Variants in MAD2L2 observed in about 807,000 individuals in gnomAD.
The protein encoded by MAD2L2 is mitotic arrest deficient 2 like 2.
In MAD2L2, 17 loss-of-function variants were observed where a neutral mutation model predicts 30.5. The ratio of observed to expected loss-of-function variants is 0.56; its 90% CI spans 0.38 to 0.84. The LOEUF is 0.84. Ranked by LOEUF, MAD2L2 falls within the 40% of genes least tolerant of loss-of-function variation. MAD2L2 has a pLI of 0.00. For missense variants in MAD2L2, 213 were observed against 277.4 expected, an observed-to-expected ratio of 0.77 and a Z score of 1.65; for synonymous variants, 101 against 113.9, an observed-to-expected ratio of 0.89 and a Z score of 0.72.
intron 1 of MAD2L2, among the ~76,000 whole-genome samples, chr1:11,689,122 C>G (rs189970083): frequency 2.0e-5 from 3 of 152,128 alleles, no homozygotes; most frequent in Admixed American, 6.6e-5. Context: ...ATGGCGAAAC[C>G]CTGTCTCTAC....
At chr1:11,677,011 T>C in intron 4 of MAD2L2, 63 bp from the exon 5 acceptor site, 1 of 1,222,100 alleles carries the variant, frequency 8.2e-7, no homozygotes, top group South Asian at 1.2e-5. Context: ...CCACCCTGCC[T>C]CCACCCCCTT....
upstream of MAD2L2, among the ~76,000 whole-genome samples, chr1:11,683,117 C>A (rs1640904117): frequency 6.6e-6 from 1 of 152,132 alleles, no homozygotes; most frequent in South Asian, 2.1e-4. Context: ...CAGACTGGGG[C>A]CTGGGGTGGG....
rs769764556 is a variant in MAD2L2, at chr1:11,676,029, G to C, written c.427+17C>G. On this transcript the variant is annotated intron_variant, in intron 6 of 8. Coordinates refer to ENST00000376692, the MANE Select transcript of MAD2L2 (RefSeq NM_006341.4). ...CATGGAAATGCCAAGGGAAGAGAGGGTGGGGAGTGGACACACCTGGGGGGT... is the reference window on the plus strand; with the variant it reads ...CATGGAAATGCCAAGGGAAGAGAGGCTGGGGAGTGGACACACCTGGGGGGT... The C allele has an allele frequency of 1.9e-6, 3 of 1,604,504 alleles. No individual in the cohort carries two copies. The highest frequency in any genetic ancestry group is 1.1e-5 in the South Asian group (1 of 90,948).
Position 11,687,965 on chromosome 1 carries a change from G to A in MAD2L2, c.-692+3448C>T, listed in dbSNP as rs1159337782. 1.3e-5 allele frequency among the ~76,000 whole-genome samples: 2 copies of A among 152,150 alleles called. No homozygotes were observed. Among genetic ancestry groups the A allele is most frequent in the African/African-American group, 4.8e-5 (2 of 41,442 alleles). Reference sequence around the variant, plus strand: ...AGTCATCATAAACTGGATGGGATAGGAGTCCAGGCCTCTCCTAACATCCAC... The same window carrying A: ...AGTCATCATAAACTGGATGGGATAGAAGTCCAGGCCTCTCCTAACATCCAC... On this transcript the variant is annotated intron_variant, in intron 1 of 10. Transcript: ENST00000235310. The surrounding 1 kb of genome is among the most constrained non-coding windows in gnomAD (Gnocchi z 4.1).
At chr1:11,679,473 C>G (rs1640827996) in intron 3 of MAD2L2, among the ~76,000 whole-genome samples, 1 of 152,166 alleles carries the variant, frequency 6.6e-6, no homozygotes, top group Non-Finnish European at 1.5e-5. Context: ...ATACCCTCCT[C>G]ACACCAAGGT....
chr1:11,679,984 G>A (rs1640840227), intron 3 of MAD2L2, among the ~76,000 whole-genome samples: 1 of 130,860 alleles, frequency 7.6e-6, no homozygotes, highest in South Asian at 2.6e-4. Context: ...AAGTGGAAGA[G>A]GTTTTTTTTT....
chr1:11,677,947 C>A (rs2100709294), intron 3 of MAD2L2, among the ~76,000 whole-genome samples: 1 of 151,016 alleles, frequency 6.6e-6, no homozygotes, highest in Middle Eastern at 3.5e-3. Flanking sequence ...GTCCCAGCTA[C>A]TTGGCAGGCT....
chr1:11,680,696 C>T (rs1289802532), intron 1 of MAD2L2, 83 bp from the exon 2 acceptor site: 1 of 1,490,018 alleles, frequency 6.7e-7, no homozygotes, highest in Non-Finnish European at 8.9e-7. Flanking sequence ...TCTTCCCTCC[C>T]CACAGTCTGT....
rs759111242 is a variant in MAD2L2, at chr1:11,676,175, C to T, written c.333-35G>A. 18 of 1,404,372 alleles carry T rather than the reference C, an allele frequency of 1.3e-5. No homozygotes were observed. In the East Asian group the frequency reaches 2.6e-4, roughly 20 times the overall value. 87.0% of individuals were successfully genotyped at this position (1,404,372 alleles called of 1,614,324 possible). ...AGAGGAGGTCTTCCCATCACACTGG[C>T]GCCCTCCCCTCCACCACAGGCATCA... On this transcript the variant is annotated intron_variant, in intron 5 of 8. Transcript: ENST00000376692.
At chr1:11,675,211 T>A in intron 7 of MAD2L2, 37 bp from the exon 8 acceptor site, 4 of 1,448,922 alleles carry the variant, frequency 2.8e-6, no homozygotes, top group Non-Finnish European at 3.8e-6. Context: ...GTGACGGGGC[T>A]GGGCCCTGGC....
chr1:11,679,548 A>G (rs1214487359), intron 3 of MAD2L2, among the ~76,000 whole-genome samples: 1 of 149,942 alleles, frequency 6.7e-6, no homozygotes, highest in Non-Finnish European at 1.5e-5. Flanking sequence ...TTTTTTGGAG[A>G]CATAGTCTTG....
chr1:11,687,601 C>A lies in MAD2L2; in HGVS notation c.-692+3812G>T, dbSNP rs564932034. Among the ~76,000 whole-genome samples the A allele has an allele frequency of 1.3e-5, 2 of 152,280 alleles. No individual in the cohort carries two copies. Among genetic ancestry groups the A allele is most frequent in the Admixed American group, 1.3e-4 (2 of 15,290 alleles). On this transcript the variant is annotated intron_variant, in intron 1 of 10. Transcript: ENST00000235310. The surrounding 1 kb of genome is among the most constrained non-coding windows in gnomAD (Gnocchi z 4.1). ...TATGTTGCCAGGCTGGTCTCCAACT[C>A]CTGGCTTCAAGAGGTCCTCCTGCCT... is the stretch of plus-strand genomic sequence containing the variant.
At position 11,687,515 on chromosome 1, in the gene MAD2L2, C is replaced by T. The variant is rs985912498; in HGVS notation, c.-692+3898G>A. The stretch of plus-strand genomic sequence containing the variant: ...TTGGCCTCCCAAAGTGTTGGGATGA[C>T]AGGCATGAGCCACCACGCCCAGACT... On this transcript the variant is annotated intron_variant, in intron 1 of 10. Transcript: ENST00000235310. The surrounding 1 kb of genome is among the most constrained non-coding windows in gnomAD (Gnocchi z 4.1). 2.0e-5 allele frequency among the ~76,000 whole-genome samples: 3 copies of T among 152,210 alleles called. No homozygotes were observed. Among genetic ancestry groups the T allele is most frequent in the Non-Finnish European group, 4.4e-5 (3 of 68,034 alleles).
intron 7 of MAD2L2, 148 bp from the exon 8 acceptor site, chr1:11,675,322 C>G (rs898747746): frequency 1.6e-6 from 1 of 608,952 alleles, no homozygotes; most frequent in Non-Finnish European, 2.9e-6. Flanking sequence ...CCAGGACCGC[C>G]CCCATCCCCC....
chr1:11,679,225 T>C (rs1307562842), intron 3 of MAD2L2, among the ~76,000 whole-genome samples: 1 of 152,078 alleles, frequency 6.6e-6, no homozygotes, highest in Non-Finnish European at 1.5e-5. Flanking sequence ...TCAAGTAATG[T>C]CTTGAATACC....
At chr1:11,680,873 G>A (rs965323904) in intron 1 of MAD2L2, 166 bp downstream of exon 1, 5 of 962,686 alleles carry the variant, frequency 5.2e-6, no homozygotes, top group Admixed American at 4.4e-5. Flanking sequence ...CTGTGCCCCC[G>A]AAAAGGGCAG....
Position 11,676,089 on chromosome 1 carries a change from C to T in MAD2L2, c.384G>A (p.Leu128=), listed in dbSNP as rs1159868991. The T allele has an allele frequency of 2.5e-6, 4 of 1,612,354 alleles. No homozygotes were observed. The highest frequency in any genetic ancestry group is 1.1e-5 in the South Asian group (1 of 91,046). Residue 128 remains leucine (L), a synonymous_variant, in exon 6 of 9, where the codon CTG becomes CTA. Transcript: ENST00000376692. ...GGACGGCATCGCACACGCTGATCTT[C>T]AGGATGAAGGCCCGGAGCAGCTGCT... ...HVEQLLRAFI[L]KISVCDAVLD...
chr1:11,680,478 G>C lies in MAD2L2; in HGVS notation c.41-7C>G, dbSNP rs2233015. The C allele has an allele frequency of 1.6e-5, 26 of 1,613,302 alleles. No homozygotes were observed. In the Admixed American group the frequency reaches 3.8e-4, roughly 24 times the overall value. On this transcript the variant is annotated splice_polypyrimidine_tract_variant and splice_region_variant and intron_variant, in intron 2 of 8. Coordinates refer to ENST00000376692, the MANE Select transcript of MAD2L2 (RefSeq NM_006341.4). Reference sequence around the variant, plus strand: ...CAGAGCACATCGGCCACCACTGCAGGGGGGCACAAGCCGGTGGCGCGCTCG... The same window carrying C: ...CAGAGCACATCGGCCACCACTGCAGCGGGGCACAAGCCGGTGGCGCGCTCG...
upstream of MAD2L2, chr1:11,681,639 C>T (rs1276568372): frequency 6.6e-6 from 1 of 152,232 alleles, no homozygotes; most frequent in Non-Finnish European, 1.5e-5. Flanking sequence ...GCACCGGCGT[C>T]GCCCCTGCTC....
Sources: gnomAD v4.1 joint callset for allele counts (sites outside exome capture counted in the v4.1 genomes callset) on GRCh38, gnomAD v4.1.1 for gene constraint, Gnocchi (gnomAD v3.1) non-coding constraint, MANE v1.5 for transcripts, NCBI Gene and HGNC (gene_info 2026-07-23, HGNC 2026-07-21) for gene names.